Variants in ASB10 observed in about 807,000 individuals in gnomAD.
The protein encoded by ASB10 is ankyrin repeat and SOCS box protein 10.
Under a neutral mutation model 35.4 loss-of-function variants are expected in ASB10, and 44 were observed. That is an observed-to-expected ratio of 1.24 (90% CI 0.98 to 1.60). The LOEUF is 1.60. Ranked by LOEUF, ASB10 falls within the 40% of genes most tolerant of loss-of-function variation. The probability of loss-of-function intolerance (pLI) is 0.00; values close to 1 mark genes in which losing one functional copy is unlikely to be tolerated. For synonymous variants in ASB10, 294 were observed against 280.4 expected, an observed-to-expected ratio of 1.05 and a Z score of -0.49; for missense variants, 647 against 634.3, an observed-to-expected ratio of 1.02 and a Z score of -0.22.
upstream of ASB10, chr7:151,187,309 C>G: frequency 6.6e-7 from 1 of 1,508,316 alleles, no homozygotes; most frequent in Non-Finnish European, 8.9e-7. This position sits in a 1 kb window ranked among gnomAD's most constrained non-coding sequence, Gnocchi z 5.3. Flanking sequence ...TGTTCTTGGG[C>G]CAAGGTGTAG....
chr7:151,180,002 T>C (rs1282951055), intron 3 of ASB10, among the ~76,000 whole-genome samples: 3 of 152,218 alleles, frequency 2.0e-5, no homozygotes, highest in Admixed American at 1.3e-4. Flanking sequence ...CAGATGCTTC[T>C]AGGTTTGTGA....
intron 3 of ASB10, among the ~76,000 whole-genome samples, chr7:151,180,475 C>G (rs1384167367): frequency 1.3e-5 from 2 of 152,114 alleles, no homozygotes; most frequent in Non-Finnish European, 2.9e-5. Flanking sequence ...GACAGCCTCT[C>G]CTGCATCTGT....
At chr7:151,180,227 C>A (rs1239084323) in intron 3 of ASB10, among the ~76,000 whole-genome samples, 1 of 152,232 alleles carries the variant, frequency 6.6e-6, no homozygotes, top group African/African-American at 2.4e-5. Flanking sequence ...TGGGGCAAGG[C>A]CCCCTCACAG....
chr7:151,178,329 C>T (rs1308599100), intron 3 of ASB10, among the ~76,000 whole-genome samples: 2 of 152,208 alleles, frequency 1.3e-5, no homozygotes, highest in African/African-American at 4.8e-5. Flanking sequence ...AGAAAGGTCT[C>T]TGAGGTGGTG....
rs769879890 is a variant in ASB10, at chr7:151,186,569, A to C, written c.407T>G (p.Leu136Arg). Residue 136 changes from leucine to arginine, a missense_variant, in exon 2 of 6, where the codon CTG becomes CGG. Coordinates refer to ENST00000420175, the MANE Select transcript of ASB10 (RefSeq NM_001142459.2). Reference sequence around the variant, plus strand: ...ACTGTCTGGCCTTGCTCGCCGCCTCAGCAGCAGCCGCAGGACTTCCGTGTG... The same window carrying C: ...ACTGTCTGGCCTTGCTCGCCGCCTCCGCAGCAGCCGCAGGACTTCCGTGTG... The part of the protein sequence containing the change: ...RGHTEVLRLL[L>R]RRRARPDSAP... 2 of 1,606,884 alleles carry C rather than the reference A, an allele frequency of 1.2e-6. No individual in the cohort carries two copies. The highest frequency in any genetic ancestry group is 3.4e-5 in the Admixed American group (2 of 59,134).
At chr7:151,177,418 C>T (rs1202812175) in intron 3 of ASB10, among the ~76,000 whole-genome samples, 2 of 152,248 alleles carry the variant, frequency 1.3e-5, no homozygotes, top group African/African-American at 2.4e-5. Context: ...GGAAGCGTGA[C>T]CCCTTGCCCT....
At chr7:151,177,421 C>T (rs1801408866) in intron 3 of ASB10, among the ~76,000 whole-genome samples, 1 of 152,278 alleles carries the variant, frequency 6.6e-6, no homozygotes, top group African/African-American at 2.4e-5. Flanking sequence ...AGCGTGACCC[C>T]TTGCCCTTAA....
At chr7:151,187,304 T>C (rs1282231711), upstream of ASB10, 2 of 1,507,864 alleles carry the variant, frequency 1.3e-6, no homozygotes, top group African/African-American at 2.8e-5. This position sits in a 1 kb window ranked among gnomAD's most constrained non-coding sequence, Gnocchi z 5.3. Flanking sequence ...GACTGTGTTC[T>C]TGGGCCAAGG....
At position 151,186,907 on chromosome 7, in the gene ASB10, G is replaced by C. The variant is rs104886489; in HGVS notation, c.224C>G (p.Ala75Gly). The change falls in exon 1 of 6, where the codon GCG becomes GGG. Residue 75 changes from alanine to glycine, a missense_variant. By Grantham distance (60) the Ala-to-Gly change is moderately conservative (BLOSUM62 0). Coordinates refer to ENST00000420175, the MANE Select transcript of ASB10 (RefSeq NM_001142459.2). ...GDVGCVSRIL[A>G]DSSTGLAPDS... ...AGGAGCCAGGCCAGTACTGGAGTCC[G>C]CGAGGATGCGGGAGACACAGCCCAC... 1.1e-5 allele frequency: 18 copies of C among 1,614,034 alleles called. No homozygotes were observed. Among genetic ancestry groups the C allele is most frequent in the Non-Finnish European group, 1.5e-5 (18 of 1,180,032 alleles).
chr7:151,186,422 AG>A lies in ASB10; in HGVS notation c.553del (p.Leu185CysfsTer51). 6.3e-7 allele frequency: 1 copy of A among 1,587,632 alleles called. No individual in the cohort carries two copies. Among genetic ancestry groups the A allele is most frequent in the Non-Finnish European group, 8.6e-7 (1 of 1,167,262 alleles). On this transcript the variant is annotated frameshift_variant, in exon 2 of 6. Transcript: ENST00000420175. LOFTEE classifies it high-confidence loss of function. The part of the protein sequence containing the change: ...NIADQDGKRP[L>X]HLCRGPGTLE... ...GGTGCCAGGCCCCCGGCAGAGATGC[AG>A]GGGGCGTTTCCCATCCTGGTCAGCG... is the stretch of plus-strand genomic sequence containing the variant.
intron 1 of ASB10, 24 bp downstream of exon 1, chr7:151,186,791 A>G (rs1241659859): frequency 6.4e-7 from 1 of 1,554,324 alleles, no homozygotes; most frequent in Admixed American, 1.8e-5. Flanking sequence ...TCCCACTGAG[A>G]GCCCCCAGTG....
chr7:151,187,680 G>A (rs2150561377), upstream of ASB10: 1 of 1,504,048 alleles, frequency 6.6e-7, no homozygotes, highest in East Asian at 2.5e-5. This position sits in a 1 kb window ranked among gnomAD's most constrained non-coding sequence, Gnocchi z 5.3. Context: ...AGGCACCCCA[G>A]ATGGTGTCCC....
At chr7:151,187,563 G>A, upstream of ASB10, 13 of 1,551,464 alleles carry the variant, frequency 8.4e-6, no homozygotes, top group Non-Finnish European at 1.1e-5. The surrounding 1 kb of genome is among the most constrained non-coding windows in gnomAD (Gnocchi z 5.3). Flanking sequence ...CCGGTGTAGA[G>A]GGCATTCTGC....
intron 2 of ASB10, among the ~76,000 whole-genome samples, chr7:151,185,413 C>T (rs932677215): frequency 1.3e-5 from 2 of 152,110 alleles, no homozygotes; most frequent in Non-Finnish European, 2.9e-5. Flanking sequence ...GCCACCGTGC[C>T]CGGCCATTTG....
Position 151,181,266 on chromosome 7 carries a change from G to T in ASB10, c.777C>A (p.Arg259=). Reference sequence around the variant, plus strand: ...CCTCGGCATCGGTGATGGACTGGCAGCGGACGTCACAGGCAGCCAGCAGTG... The same window carrying T: ...CCTCGGCATCGGTGATGGACTGGCATCGGACGTCACAGGCAGCCAGCAGTG... ...WTPLLAACDV[R]CQSITDAEAT... Residue 259 remains arginine, a synonymous_variant, in exon 3 of 6, where the codon CGC becomes CGA. Transcript: ENST00000420175. 1.2e-6 allele frequency: 2 copies of T among 1,613,154 alleles called. No individual in the cohort carries two copies. The highest frequency in any genetic ancestry group is 1.7e-6 in the Non-Finnish European group (2 of 1,180,008).
At chr7:151,182,288 G>A (rs562327038) in intron 2 of ASB10, among the ~76,000 whole-genome samples, 1 of 152,216 alleles carries the variant, frequency 6.6e-6, no homozygotes, top group East Asian at 1.9e-4. Flanking sequence ...TAAAGAACAA[G>A]ACTGATTGGC....
At position 151,176,006 on chromosome 7, in the gene ASB10, C is replaced by T. The variant is rs1028998224; in HGVS notation, c.*1-40G>A. 5 of 1,338,592 alleles carry T rather than the reference C, an allele frequency of 3.7e-6. No individual in the cohort carries two copies. In the African/African-American group the frequency reaches 4.5e-5, roughly 12 times the overall value. The allele number at this position is 1,338,592 out of a possible 1,614,324, so 82.9% of individuals were successfully genotyped here. A position where few individuals can be genotyped will look rare whatever the true frequency, so the allele number is the denominator to read the frequency against. On this transcript the variant is annotated intron_variant, in intron 5 of 5. Transcript: ENST00000420175. The stretch of plus-strand genomic sequence containing the variant: ...TTGGATTCAGAGGCTTCTGGTGGTT[C>T]GGGGACGGGCCGGTTCTGGCTAGGG...
Position 151,186,439 on chromosome 7 carries a change from C to A in ASB10, c.537G>T (p.Gln179His). 6.3e-7 allele frequency: 1 copy of A among 1,589,692 alleles called. No individual in the cohort carries two copies. Among genetic ancestry groups the A allele is most frequent in the East Asian group, 2.3e-5 (1 of 43,560 alleles). The change falls in exon 2 of 6, where the codon CAG (glutamine) becomes CAT (histidine). Residue 179 changes from glutamine (Q) to histidine (H), a missense_variant. Physicochemically the swap from Gln to His is conservative, Grantham distance 24. Coordinates refer to ENST00000420175, the MANE Select transcript of ASB10 (RefSeq NM_001142459.2). ...VAGADPNIADQDGKRPLHLCR... is the reference protein window; with the variant it reads ...VAGADPNIADHDGKRPLHLCR... ...AGAGATGCAGGGGGCGTTTCCCATC[C>A]TGGTCAGCGATGTTGGGGTCGGCTC...
chr7:151,185,215 T>G (rs2150559838), intron 2 of ASB10, among the ~76,000 whole-genome samples: 1 of 148,826 alleles, frequency 6.7e-6, no homozygotes, highest in South Asian at 2.2e-4. Context: ...ACCTCCCAGG[T>G]TTAAGCAATT....
Sources: allele counts gnomAD v4.1 joint callset (sites outside exome capture counted in the v4.1 genomes callset), GRCh38; gene constraint gnomAD v4.1.1; non-coding constraint Gnocchi (gnomAD v3.1); transcripts MANE v1.5; gene names NCBI Gene and HGNC (gene_info 2026-07-23, HGNC 2026-07-21).